ZNF318: variants seen among roughly 807,000 people sequenced by gnomAD.
ZNF318 encodes endocrine regulator.
In ZNF318, 51 loss-of-function variants were observed where a neutral mutation model predicts 124.2. The ratio of observed to expected loss-of-function variants is 0.41; its 90% CI spans 0.33 to 0.52. ZNF318 has a LOEUF of 0.52. ZNF318 is among the 20% of genes least tolerant of loss of function. ZNF318 has a pLI of 0.23. For synonymous variants in ZNF318, 1,090 were observed against 1,040.7 expected (o/e 1.05, Z -0.91); for missense variants, 2,815 against 2,811.2 (o/e 1.00, Z -0.03).
chr6:43,346,181 CAAAAAAAAAAA>C (rs150168420), intron 6 of ZNF318, among the ~76,000 whole-genome samples: 90 of 72,120 alleles, frequency 1.2e-3, no homozygotes, highest in South Asian at 1.9e-3. Flanking sequence ...GACTCTGTTT[CAAAAAAAAAAA>C]AAAAAAAAAA....
intron 6 of ZNF318, among the ~76,000 whole-genome samples, chr6:43,346,174 T>C (rs1562130422): frequency 1.1e-5 from 1 of 94,976 alleles, no homozygotes; most frequent in African/African-American, 4.3e-5. Flanking sequence ...AGAATAAGAC[T>C]CTGTTTCAAA....
chr6:43,358,279 G>A (rs1779638197), intron 2 of ZNF318, among the ~76,000 whole-genome samples: 1 of 152,156 alleles, frequency 6.6e-6, no homozygotes, highest in East Asian at 1.9e-4. Context: ...ATGGAGTCTC[G>A]CTCTGTCACC....
intron 2 of ZNF318, 87 bp from the exon 3 acceptor site, chr6:43,357,852 G>C (rs750218059): frequency 1.0e-5 from 13 of 1,272,902 alleles, no homozygotes; most frequent in Non-Finnish European, 1.4e-5. Context: ...TTGTCAAGGG[G>C]GCTATAAAAT....
intron 5 of ZNF318, among the ~76,000 whole-genome samples, 192 bp from the exon 6 acceptor site, chr6:43,348,817 G>C (rs2150752053): frequency 6.6e-6 from 1 of 152,280 alleles, no homozygotes; most frequent in African/African-American, 2.4e-5. Flanking sequence ...GTGACTACTT[G>C]AGTTCAGGTG....
In ZNF318 at chr6:43,348,858, C is replaced by T. The variant is rs7748014; in HGVS notation, c.2771-233G>A. ...GACCAGCCTCACTAACATGGTGAAA[C>T]CCCGTCTCTACTAAAAATACAAAAA... On this transcript the variant is annotated intron_variant, in intron 5 of 9. Transcript: ENST00000361428. Among the ~76,000 whole-genome samples, 1,304 of 152,188 alleles carry T rather than the reference C, an allele frequency of 8.6e-3. 19 individuals carry two copies. The highest frequency in any genetic ancestry group is 0.029 in the African/African-American group (1,217 of 41,502).
intron 3 of ZNF318, 103 bp downstream of exon 3, chr6:43,357,023 A>G: frequency 2.9e-6 from 4 of 1,363,776 alleles, no homozygotes; most frequent in South Asian, 2.8e-5. Flanking sequence ...GGTCCAGCAC[A>G]TATTACAAAG....
intron 1 of ZNF318, among the ~76,000 whole-genome samples, chr6:43,366,856 T>C (rs1779768068): frequency 6.7e-6 from 1 of 149,072 alleles, no homozygotes. Context: ...TCTTAGTCCT[T>C]TTTTTTTTGT....
In ZNF318 at chr6:43,338,690, A is replaced by C; in HGVS notation, c.5308T>G (p.Cys1770Gly). Residue 1770 changes from cysteine to glycine, a missense_variant, in exon 10 of 10, where the codon TGT becomes GGT. Transcript: ENST00000361428. Reference sequence around the variant, plus strand: ...TTTGTCTCTATCTCACTTTCTCTACAATCCTCAGATTTACGGAGCTCTTGG... The same window carrying C: ...TTTGTCTCTATCTCACTTTCTCTACCATCCTCAGATTTACGGAGCTCTTGG... ...ESQELRKSED[C>G]RESEIETNTE... The C allele has an allele frequency of 6.2e-7, 1 of 1,614,128 alleles. No homozygotes were observed. Among genetic ancestry groups the C allele is most frequent in the Non-Finnish European group, 8.5e-7 (1 of 1,180,028 alleles).
In ZNF318 at chr6:43,336,930, G is replaced by GATATAT. The variant is rs113486749; in HGVS notation, c.*222_*227dup. On this transcript the variant is annotated 3_prime_UTR_variant, in exon 10 of 10. Coordinates refer to ENST00000361428, the MANE Select transcript of ZNF318 (RefSeq NM_014345.3). ...AAAATTAACAAAATACATTTTTACA[G>GATATAT]ATATATATATATATATATAAGTTGT... The GATATAT allele has an allele frequency of 3.9e-5, 8 of 204,970 alleles. No homozygotes were observed. Among genetic ancestry groups the GATATAT allele is most frequent in the Non-Finnish European group, 6.4e-5 (7 of 108,894 alleles). The allele number at this position is 204,970 out of a possible 1,614,324, so 12.7% of individuals were successfully genotyped here. A position where few individuals can be genotyped will look rare whatever the true frequency, so the allele number is the denominator to read the frequency against.
At position 43,355,343 on chromosome 6, in the gene ZNF318, A is replaced by C. The variant is rs760913808; in HGVS notation, c.1991T>G (p.Phe664Cys). 1.1e-5 allele frequency: 18 copies of C among 1,614,036 alleles called. No homozygotes were observed. Among genetic ancestry groups the C allele is most frequent in the South Asian group, 8.8e-5 (8 of 91,074 alleles). The change falls in exon 4 of 10, where the codon TTC (phenylalanine) becomes TGC (cysteine). Residue 664 changes from phenylalanine to cysteine, a missense_variant. Around this residue, in one of 4 missense-constraint regions of ZNF318, gnomAD observed 1,377 missense variants for 1,353.5 expected, o/e 1.02. Coordinates refer to ENST00000361428, the MANE Select transcript of ZNF318 (RefSeq NM_014345.3). ...ATCTGAGGAACGTCGATCAGCTGAG[A>C]AGCAGTGGTCAACTGAGGAACAGCG... is the stretch of plus-strand genomic sequence containing the variant. The part of the protein sequence containing the change: ...ADRCSSVDHC[F>C]SADRRSSDPH...
rs1779478575 is a variant in ZNF318, at chr6:43,348,429, C to T, written c.2967G>A (p.Gln989=). The T allele has an allele frequency of 6.2e-7, 1 of 1,614,066 alleles. No individual in the cohort carries two copies. The highest frequency in any genetic ancestry group is 8.5e-7 in the Non-Finnish European group (1 of 1,180,046). Residue 989 remains glutamine, a synonymous_variant, in exon 6 of 10, where the codon CAG becomes CAA. Coordinates refer to ENST00000361428, the MANE Select transcript of ZNF318 (RefSeq NM_014345.3). The part of the protein sequence containing the change: ...ILGINIFDKS[Q]KSLSDSREPT... ...GCTCTCTACTGTCACTTAAAGACTT[C>T]TGGGATTTATCGAAGATGTTAATTC...
At position 43,355,967 on chromosome 6, in the gene ZNF318, A is replaced by G. The variant is rs775404480; in HGVS notation, c.1367T>C (p.Leu456Pro). 1.7e-5 allele frequency: 27 copies of G among 1,614,090 alleles called. No homozygotes were observed. Among genetic ancestry groups the G allele is most frequent in the Middle Eastern group, 3.3e-4 (2 of 6,084 alleles). Residue 456 changes from leucine to proline, a missense_variant, in exon 4 of 10, where the codon CTT becomes CCT. By Grantham distance (98) the Leu-to-Pro change is moderately conservative. Coordinates refer to ENST00000361428, the MANE Select transcript of ZNF318 (RefSeq NM_014345.3). ...PQGNLYQWGP[L>P]PGIPKDNSPL... ...ACTGTTGTCTTTGGGAATCCCAGGA[A>G]GGGGACCCCATTGGTAGAGGTTGCC...
chr6:43,355,579 G>C lies in ZNF318; in HGVS notation c.1755C>G (p.Thr585=). 1 of 1,614,182 alleles carries C rather than the reference G, an allele frequency of 6.2e-7. No homozygotes were observed. The highest frequency in any genetic ancestry group is 8.5e-7 in the Non-Finnish European group (1 of 1,180,028). The change falls in exon 4 of 10, where the codon ACC becomes ACG. Residue 585 remains threonine, a synonymous_variant. Coordinates refer to ENST00000361428, the MANE Select transcript of ZNF318 (RefSeq NM_014345.3). The part of the protein sequence containing the change: ...PAVKLESLEE[T]NPEYAKIHDL... ...CATGGATCTTCGCATATTCTGGATTGGTCTCTTCTAGTGATTCTAGCTTTA... is the reference window on the plus strand; with the variant it reads ...CATGGATCTTCGCATATTCTGGATTCGTCTCTTCTAGTGATTCTAGCTTTA...
intron 6 of ZNF318, among the ~76,000 whole-genome samples, chr6:43,345,439 T>C (rs1779426883): frequency 6.6e-6 from 1 of 152,140 alleles, no homozygotes. Context: ...TATTCCTTAC[T>C]GCTGAGATGA....
Position 43,355,433 on chromosome 6 carries a change from G to A in ZNF318, c.1901C>T (p.Ser634Phe). 1 of 1,614,130 alleles carries A rather than the reference G, an allele frequency of 6.2e-7. No individual in the cohort carries two copies. The highest frequency in any genetic ancestry group is 8.5e-7 in the Non-Finnish European group (1 of 1,179,992). ...AGCTGAAAAGTATCGGTCAACTGAG[G>A]AACGGCGGTCAGCTGAGGAGCGTAA... is the stretch of plus-strand genomic sequence containing the variant. ...PSLRSSADRR[S>F]SVDRYFSADH... The change falls in exon 4 of 10, where the codon TCC (serine) becomes TTC (phenylalanine). Residue 634 changes from serine to phenylalanine, a missense_variant. Coordinates refer to ENST00000361428, the MANE Select transcript of ZNF318 (RefSeq NM_014345.3).
chr6:43,368,645 A>G (rs1779792743), intron 1 of ZNF318: 1 of 984,974 alleles, frequency 1.0e-6, no homozygotes, highest in South Asian at 4.7e-5. Flanking sequence ...CAACTCTACA[A>G]AAAGTACCAA....
Position 43,339,970 on chromosome 6 carries a change from G to A in ZNF318, c.4028C>T (p.Ser1343Phe), listed in dbSNP as rs200505733. The stretch of plus-strand genomic sequence containing the variant: ...GTTGGGTCGGATCTTAGTCTGTGTG[G>A]AAGTTGTCACAACAGGCATCCAAGG... ...TSPWMPVVTTSTQTKIRPNLP... is the reference protein window; with the variant it reads ...TSPWMPVVTTFTQTKIRPNLP... Residue 1343 changes from serine (S) to phenylalanine (F), a missense_variant, in exon 10 of 10, where the codon TCC becomes TTC. Ser to Phe is a radical substitution (Grantham distance 155, BLOSUM62 -2). This residue lies in a region of ZNF318 where 500 missense variants were observed against 605.2 expected (regional missense o/e 0.83). Coordinates refer to ENST00000361428, the MANE Select transcript of ZNF318 (RefSeq NM_014345.3). This position sits in a 1 kb window ranked among gnomAD's most constrained non-coding sequence, Gnocchi z 4.2. 69 of 1,614,170 alleles carry A rather than the reference G, an allele frequency of 4.3e-5. 1 individual carries two copies. Among genetic ancestry groups the A allele is most frequent in the Non-Finnish European group, 5.3e-5 (62 of 1,180,026 alleles).
chr6:43,368,583 G>A (rs1449933342), intron 1 of ZNF318: 1 of 844,980 alleles, frequency 1.2e-6, no homozygotes, highest in Non-Finnish European at 1.4e-6. Flanking sequence ...TAAGATCCAG[G>A]AAGGCAGCTC....
intron 2 of ZNF318, among the ~76,000 whole-genome samples, chr6:43,361,487 C>G (rs769963200): frequency 1.3e-5 from 2 of 152,182 alleles, no homozygotes; most frequent in African/African-American, 2.4e-5. Flanking sequence ...ACCACTTGAG[C>G]CCAGGAGTTT....
Sources: gnomAD v4.1 joint callset for allele counts (sites outside exome capture counted in the v4.1 genomes callset) on GRCh38, gnomAD v4.1.1 for gene constraint, gnomAD v4.1.1 regional missense constraint, Gnocchi (gnomAD v3.1) non-coding constraint, MANE v1.5 for transcripts, NCBI Gene and HGNC (gene_info 2026-07-23, HGNC 2026-07-21) for gene names.